The following ADAMTS18 variants were observed in gnomAD, a reference collection of about 807,000 sequenced individuals.
ADAMTS18 encodes the protein A disintegrin and metalloproteinase with thrombospondin motifs 18.
ADAMTS18 carries 157 observed loss-of-function variants against 165.9 expected under a neutral mutation model. That is an observed-to-expected ratio of 0.95 (90% confidence interval 0.83 to 1.08). ADAMTS18 has a LOEUF of 1.08. Among genes scored for constraint, ADAMTS18 ranks in the 50% least tolerant of loss-of-function variants. The probability of loss-of-function intolerance (pLI) is 0.00; values close to 1 mark genes in which losing one functional copy is unlikely to be tolerated. For missense variants in ADAMTS18, 2,040 were observed against 1,534.0 expected (o/e 1.33, Z -5.51); for synonymous variants, 782 against 578.2 (o/e 1.35, Z -5.06).
intron 8 of ADAMTS18, among the ~76,000 whole-genome samples, chr16:77,358,505 C>G (rs1228611622): frequency 6.6e-6 from 1 of 151,898 alleles, no homozygotes; most frequent in Non-Finnish European, 1.5e-5. Context: ...GAGGTTGCAG[C>G]GAGCCGAGAT....
intron 22 of ADAMTS18, among the ~76,000 whole-genome samples, chr16:77,287,196 T>TG (rs1567451983): frequency 6.6e-6 from 1 of 151,952 alleles, no homozygotes; most frequent in Admixed American, 6.6e-5. Flanking sequence ...TGGTCCACAG[T>TG]GGGGGGCTCA....
chr16:77,334,818 ATATAC>A (rs2056277721), intron 12 of ADAMTS18, among the ~76,000 whole-genome samples: 1 of 123,192 alleles, frequency 8.1e-6, no homozygotes, highest in Non-Finnish European at 1.6e-5. Context: ...TATACAGTAT[ATATAC>A]TATATACTAT....
intron 9 of ADAMTS18, among the ~76,000 whole-genome samples, chr16:77,354,646 A>C (rs1402639429): frequency 2.0e-5 from 3 of 152,180 alleles, no homozygotes; most frequent in African/African-American, 7.2e-5. Flanking sequence ...ACCAAGACCA[A>C]GTTATGTAGC....
At position 77,291,557 on chromosome 16, in the gene ADAMTS18, T is replaced by A. The variant is rs1192788144; in HGVS notation, c.3190-79A>T. ...TGGACAGAGGCAGTTTGACATAAGG[T>A]TGCACCATCCACATGAAATAGGAGG... On this transcript the variant is annotated intron_variant, in intron 20 of 22. Coordinates refer to ENST00000282849, the MANE Select transcript of ADAMTS18 (RefSeq NM_199355.4). 7.9e-6 allele frequency: 11 copies of A among 1,399,556 alleles called. No homozygotes were observed. The South Asian group carries it at 1.3e-4, about 16-fold the overall frequency. The allele number at this position is 1,399,556 out of a possible 1,614,324, so 86.7% of individuals were successfully genotyped here.
intron 3 of ADAMTS18, among the ~76,000 whole-genome samples, chr16:77,381,107 C>A (rs1330728422): frequency 6.6e-6 from 1 of 152,072 alleles, no homozygotes; most frequent in Non-Finnish European, 1.5e-5. Context: ...CTCCTGGGCT[C>A]AGGTAATCCG....
At chr16:77,286,233 G>T (rs1567451194) in intron 22 of ADAMTS18, among the ~76,000 whole-genome samples, 1 of 152,134 alleles carries the variant, frequency 6.6e-6, no homozygotes, top group African/African-American at 2.4e-5. Context: ...TGAGGTCTCT[G>T]TTTAAGTGCT....
At chr16:77,326,435 T>A (rs899881554) in intron 12 of ADAMTS18, among the ~76,000 whole-genome samples, 3 of 152,166 alleles carry the variant, frequency 2.0e-5, no homozygotes, top group Non-Finnish European at 4.4e-5. Context: ...CAGTCTGGAA[T>A]GCAGTGGCGT....
intron 14 of ADAMTS18, among the ~76,000 whole-genome samples, chr16:77,321,815 C>A (rs2056003868): frequency 6.6e-6 from 1 of 152,084 alleles, no homozygotes; most frequent in Non-Finnish European, 1.5e-5. Flanking sequence ...AAAAAATAAA[C>A]TAAAATAATT....
chr16:77,291,739 C>A (rs577556321), intron 20 of ADAMTS18, among the ~76,000 whole-genome samples: 215 of 152,286 alleles, frequency 1.4e-3, no homozygotes, highest in African/African-American at 4.9e-3. Flanking sequence ...AAAAAAGGAA[C>A]CTTGGGATGC....
chr16:77,376,564 G>A (rs1279651346), intron 3 of ADAMTS18, among the ~76,000 whole-genome samples: 1 of 152,270 alleles, frequency 6.6e-6, no homozygotes, highest in East Asian at 1.9e-4. Context: ...CCCGCTACTG[G>A]ACTCTGTGTG....
At chr16:77,415,367 G>C (rs919283039) in intron 3 of ADAMTS18, among the ~76,000 whole-genome samples, 20 of 152,156 alleles carry the variant, frequency 1.3e-4, no homozygotes, top group Non-Finnish European at 2.9e-5. Flanking sequence ...AAAGTGGAGA[G>C]GGGTTTATGC....
chr16:77,380,051 G>A (rs767550643), intron 3 of ADAMTS18, among the ~76,000 whole-genome samples: 10 of 152,148 alleles, frequency 6.6e-5, no homozygotes, highest in Non-Finnish European at 1.3e-4. Context: ...TCTTGCTGCC[G>A]AGGTCCTCAG....
In ADAMTS18 at chr16:77,322,544, T is replaced by C. The variant is rs1262768134; in HGVS notation, c.2033-78A>G. 5 of 1,528,268 alleles carry C rather than the reference T, an allele frequency of 3.3e-6. No individual in the cohort carries two copies. The African/African-American group carries it at 6.8e-5, about 21-fold the overall frequency. The allele number at this position is 1,528,268 out of a possible 1,614,324, so 94.7% of individuals were successfully genotyped here. ...ATGATAGGATTGTCAAAAGAATGAA[T>C]TAAATTTACTTAGAAAGCTATCATG... is the stretch of plus-strand genomic sequence containing the variant. On this transcript the variant is annotated intron_variant, in intron 13 of 22. Transcript: ENST00000282849.
intron 16 of ADAMTS18, among the ~76,000 whole-genome samples, chr16:77,302,108 C>T (rs2055595381): frequency 6.8e-6 from 1 of 146,208 alleles, no homozygotes; most frequent in South Asian, 2.3e-4. Context: ...TGAATAAATA[C>T]TATGCTTTCC....
chr16:77,301,066 G>A (rs150030131), intron 16 of ADAMTS18, among the ~76,000 whole-genome samples: 1 of 152,138 alleles, frequency 6.6e-6, no homozygotes, highest in Non-Finnish European at 1.5e-5. Context: ...AACATGTTCA[G>A]AATCAGCAAT....
At chr16:77,410,856 C>T (rs274517) in intron 3 of ADAMTS18, among the ~76,000 whole-genome samples, 53,852 of 152,042 alleles carry the variant, frequency 0.35, 10,231 homozygotes, top group East Asian at 0.72. Flanking sequence ...AACAGAAATG[C>T]ATTTAGTGCG....
At chr16:77,390,340 G>A (rs1354159051) in intron 3 of ADAMTS18, among the ~76,000 whole-genome samples, 1 of 152,124 alleles carries the variant, frequency 6.6e-6, no homozygotes, top group South Asian at 2.1e-4. Flanking sequence ...CTTTTTTGCA[G>A]GTAACTGTGT....
chr16:77,331,576 T>G (rs547763766), intron 12 of ADAMTS18, among the ~76,000 whole-genome samples: 1 of 152,304 alleles, frequency 6.6e-6, no homozygotes, highest in East Asian at 1.9e-4. Flanking sequence ...CTGGGCCTGA[T>G]TACATCTGTG....
intron 3 of ADAMTS18, among the ~76,000 whole-genome samples, chr16:77,383,443 G>C (rs991385960): frequency 6.6e-6 from 1 of 151,960 alleles, no homozygotes; most frequent in African/African-American, 2.4e-5. Flanking sequence ...AAAAAGCCAA[G>C]TTCCCATCTC....
Sources: allele counts gnomAD v4.1 joint callset (sites outside exome capture counted in the v4.1 genomes callset), GRCh38; gene constraint gnomAD v4.1.1; transcripts MANE v1.5; gene names NCBI Gene and HGNC (gene_info 2026-07-23, HGNC 2026-07-21).